The following GEMIN5 variants were observed in gnomAD, a reference collection of about 807,000 sequenced individuals.
GEMIN5 encodes the protein gem nuclear organelle associated protein 5, also known as gem-associated protein 5.
A neutral mutation model predicts 176.9 loss-of-function variants in GEMIN5; 124 were observed. The ratio of observed to expected loss-of-function variants is 0.70; its 90% CI spans 0.61 to 0.81. The LOEUF (loss-of-function observed/expected upper bound fraction) is 0.81, where lower values mean the gene tolerates loss of function less well. GEMIN5 is among the 40% of genes least tolerant of loss of function. GEMIN5 has a pLI of 0.00. For missense variants in GEMIN5, 1,843 were observed against 1,814.6 expected, an observed-to-expected ratio of 1.02 and a Z score of -0.28; for synonymous variants, 673 against 665.2, an observed-to-expected ratio of 1.01 and a Z score of -0.18.
intron 24 of GEMIN5, 161 bp from the exon 25 acceptor site, chr5:154,892,710 G>GA (rs1457608096): frequency 1.1e-5 from 7 of 635,940 alleles, no homozygotes; most frequent in Non-Finnish European, 1.6e-5. Flanking sequence ...TCCCACATCG[G>GA]AAACTCTCAT....
Position 154,905,473 on chromosome 5 carries a change from G to C in GEMIN5, c.2399C>G (p.Ser800Cys), listed in dbSNP as rs1319205900. 1 of 1,481,518 alleles carries C rather than the reference G, an allele frequency of 6.7e-7. No individual in the cohort carries two copies. The allele number at this position is 1,481,518 out of a possible 1,614,324, so 91.8% of individuals were successfully genotyped here. Residue 800 changes from serine to cysteine, a missense_variant, in exon 17 of 28, where the codon TCT becomes TGT. Physicochemically the swap from Ser to Cys is moderately radical, Grantham distance 112. Transcript: ENST00000285873. The part of the protein sequence containing the change: ...ELPCGLAPAV[S>C]REPVICTPVS... Reference sequence around the variant, plus strand: ...TGGAGTGCAGATAACTGGTTCTCTAGAAACTACATCATGGGGGAAAAAGGA... The same window carrying C: ...TGGAGTGCAGATAACTGGTTCTCTACAAACTACATCATGGGGGAAAAAGGA...
At position 154,909,133 on chromosome 5, in the gene GEMIN5, A is replaced by ATTTTTTTTT. The variant is rs70981958; in HGVS notation, c.2168-1324_2168-1316dup. 3.1e-3 allele frequency among the ~76,000 whole-genome samples: 307 copies of ATTTTTTTTT among 99,540 alleles called. 5 individuals carry two copies. Among genetic ancestry groups the ATTTTTTTTT allele is most frequent in the East Asian group, 0.01 (36 of 3,564 alleles). 65.3% of individuals were successfully genotyped at this position (99,540 alleles called of 152,430 possible). On this transcript the variant is annotated intron_variant, in intron 15 of 27. Coordinates refer to ENST00000285873, the MANE Select transcript of GEMIN5 (RefSeq NM_015465.5). ...GACACCATGCCTGGGTAATTTTTGTATTTTTTTTTTTTTTTTTTTTTGTAG... is the reference window on the plus strand; with the variant it reads ...GACACCATGCCTGGGTAATTTTTGTATTTTTTTTTTTTTTTTTTTTTTTTTTTTTTGTAG...
intron 1 of GEMIN5, 96 bp from the exon 2 acceptor site, chr5:154,937,281 G>C: frequency 9.8e-7 from 1 of 1,016,918 alleles, no homozygotes; most frequent in Non-Finnish European, 1.4e-6. Context: ...CAGATGCTTT[G>C]GAGTTACTTA....
intron 3 of GEMIN5, among the ~76,000 whole-genome samples, chr5:154,935,149 T>C (rs1764241575): frequency 1.3e-5 from 2 of 152,230 alleles, no homozygotes; most frequent in African/African-American, 4.8e-5. Flanking sequence ...GTATTTTCCA[T>C]TTAATACTCC....
At chr5:154,889,172 A>G (rs1202149218) in intron 27 of GEMIN5, 149 bp downstream of exon 27, 1 of 507,710 alleles carries the variant, frequency 2.0e-6, no homozygotes, top group Non-Finnish European at 3.7e-6. Context: ...CACCACGCCC[A>G]GCCTGGATTC....
chr5:154,932,275 T>C, intron 3 of GEMIN5, 25 bp from the exon 4 acceptor site: 1 of 1,558,196 alleles, frequency 6.4e-7, no homozygotes, highest in African/African-American at 1.4e-5. Context: ...TTAGAAATAT[T>C]ACTAAAAAAA....
At chr5:154,894,121 T>A (rs1763296764) in intron 24 of GEMIN5, among the ~76,000 whole-genome samples, 2 of 152,004 alleles carry the variant, frequency 1.3e-5, no homozygotes, top group Non-Finnish European at 2.9e-5. Context: ...ATTTTTGTAT[T>A]TTTACTAGAG....
intron 9 of GEMIN5, among the ~76,000 whole-genome samples, chr5:154,923,735 T>C (rs942880312): frequency 6.6e-6 from 1 of 152,372 alleles, no homozygotes; most frequent in East Asian, 1.9e-4. Context: ...AGAACAGTGT[T>C]GTTCAATAAG....
At chr5:154,906,457 A>G (rs1054148854) in intron 16 of GEMIN5, among the ~76,000 whole-genome samples, 2 of 152,260 alleles carry the variant, frequency 1.3e-5, no homozygotes, top group Non-Finnish European at 2.9e-5. Flanking sequence ...AGTAACTTTA[A>G]TAATAGAGAA....
intron 14 of GEMIN5, 85 bp from the exon 15 acceptor site, chr5:154,911,983 AC>A: frequency 8.0e-7 from 1 of 1,246,576 alleles, no homozygotes; most frequent in Non-Finnish European, 1.1e-6. Context: ...AAAACAAAAA[AC>A]AAAAAACAAA....
chr5:154,934,103 C>A (rs1217996287), intron 3 of GEMIN5, among the ~76,000 whole-genome samples: 1 of 152,226 alleles, frequency 6.6e-6, no homozygotes, highest in East Asian at 1.9e-4. Flanking sequence ...GCAACCTCCA[C>A]TGCCCAGGTT....
intron 5 of GEMIN5, among the ~76,000 whole-genome samples, chr5:154,930,259 G>C (rs114154166): frequency 1.3e-5 from 2 of 152,186 alleles, no homozygotes; most frequent in Non-Finnish European, 2.9e-5. Context: ...ATAGGGGAAC[G>C]ACACAGCAGC....
Position 154,924,506 on chromosome 5 carries a change from C to T in GEMIN5, c.1342G>A (p.Asp448Asn). Reference sequence around the variant, plus strand: ...GTGTCATACAATCCCACTTTTCCATCATCAGTTCCAAAAGCTAAGCAACCT... The same window carrying T: ...GTGTCATACAATCCCACTTTTCCATTATCAGTTCCAAAAGCTAAGCAACCT... ...KEGCLAFGTD[D>N]GKVGLYDTYS... The change falls in exon 9 of 28, where the codon GAT becomes AAT. Residue 448 changes from aspartate to asparagine, a missense_variant. Transcript: ENST00000285873. The T allele has an allele frequency of 6.2e-7, 1 of 1,612,286 alleles. No homozygotes were observed. Among genetic ancestry groups the T allele is most frequent in the East Asian group, 2.2e-5 (1 of 44,882 alleles).
At chr5:154,931,978 C>G in intron 4 of GEMIN5, 121 bp downstream of exon 4, 1 of 800,430 alleles carries the variant, frequency 1.2e-6, no homozygotes, top group Non-Finnish European at 2.0e-6. Flanking sequence ...ACGCTCCAGC[C>G]TAGGCAACAA....
At chr5:154,930,567 T>C (rs562022152) in intron 5 of GEMIN5, among the ~76,000 whole-genome samples, 269 of 152,308 alleles carry the variant, frequency 1.8e-3, no homozygotes, top group Middle Eastern at 3.4e-3. Context: ...CGGGGATATA[T>C]GCTAAGTGAA....
chr5:154,908,777 C>T (rs571133014), intron 15 of GEMIN5, among the ~76,000 whole-genome samples: 1 of 152,250 alleles, frequency 6.6e-6, no homozygotes, highest in African/African-American at 2.4e-5. Context: ...AATTTTTATT[C>T]GTCCCATTTG....
chr5:154,892,784 C>A, intron 24 of GEMIN5: 1 of 474,272 alleles, frequency 2.1e-6, no homozygotes. Flanking sequence ...GAGAAAACAC[C>A]TTTACATTTG....
At chr5:154,937,466 G>A (rs1235823408) in intron 1 of GEMIN5, among the ~76,000 whole-genome samples, 1 of 152,190 alleles carries the variant, frequency 6.6e-6, no homozygotes, top group Non-Finnish European at 1.5e-5. Flanking sequence ...CTCAAATAAT[G>A]TGAAAGTGAC....
chr5:154,902,121 A>G (rs1327601109), intron 20 of GEMIN5, among the ~76,000 whole-genome samples: 1 of 150,610 alleles, frequency 6.6e-6, no homozygotes, highest in Non-Finnish European at 1.5e-5. Flanking sequence ...TTTTTTTTTT[A>G]AAGAGACAAG....
Sources: gnomAD v4.1 joint callset for allele counts (sites outside exome capture counted in the v4.1 genomes callset) on GRCh38, gnomAD v4.1.1 for gene constraint, MANE v1.5 for transcripts, NCBI Gene and HGNC (gene_info 2026-07-23, HGNC 2026-07-21) for gene names.